The following CDH7 variants were observed in gnomAD, a reference collection of about 807,000 sequenced individuals.
CDH7 encodes the protein cadherin-7.
CDH7 carries 25 observed loss-of-function variants against 71.8 expected under a neutral mutation model. The observed-to-expected ratio is 0.35, with a 90% confidence interval of 0.25 to 0.49. CDH7 has a LOEUF of 0.49. Ranked by LOEUF, CDH7 falls within the 20% of genes least tolerant of loss-of-function variation. The pLI, the probability that CDH7 is intolerant of heterozygous loss-of-function variation, is 0.99. For missense variants in CDH7, 862 were observed against 974.6 expected (o/e 0.88, Z 1.54); for synonymous variants, 381 against 363.8 (o/e 1.05, Z -0.54).
chr18:65,880,680 TA>T lies in CDH7; in HGVS notation c.2148del (p.Glu717LysfsTer32). The T allele has an allele frequency of 1.2e-6, 2 of 1,614,018 alleles. No individual in the cohort carries two copies. The highest frequency in any genetic ancestry group is 1.7e-6 in the Non-Finnish European group (2 of 1,180,004). On this transcript the variant is annotated frameshift_variant, in exon 12 of 12. Coordinates refer to ENST00000397968, the MANE Select transcript of CDH7 (RefSeq NM_004361.5). LOFTEE classifies it high-confidence loss of function. ...VIFREFIWER[L>X]KEADVDPGAP... is the part of the protein sequence containing the mutation. ...TTTAGGGAATTTATTTGGGAAAGAT[TA>T]AAAGAAGCCGATGTTGATCCTGGTG...
At chr18:65,798,705 G>T (rs1384218514) in intron 2 of CDH7, among the ~76,000 whole-genome samples, 1 of 151,992 alleles carries the variant, frequency 6.6e-6, no homozygotes, top group Admixed American at 6.5e-5. Context: ...GAGCTAAAGG[G>T]AAAAGGAGGA....
intron 2 of CDH7, among the ~76,000 whole-genome samples, chr18:65,778,529 CTTT>C (rs1156727313): frequency 0.017 from 1,409 of 84,354 alleles, 56 homozygotes; most frequent in African/African-American, 0.055. Context: ...GCGTCTCACT[CTTT>C]TTTTTTTTTT....
In CDH7 at chr18:65,830,248, G is replaced by T. The variant is rs978599037; in HGVS notation, c.981+5417G>T. The stretch of plus-strand genomic sequence containing the variant: ...AATGCTCCTTCACAAAACTGCTGTT[G>T]GTAAATAGGAATATATATGTACAGT... On this transcript the variant is annotated intron_variant, in intron 6 of 11. Coordinates refer to ENST00000397968, the MANE Select transcript of CDH7 (RefSeq NM_004361.5). 2.0e-5 allele frequency among the ~76,000 whole-genome samples: 3 copies of T among 152,154 alleles called. No homozygotes were observed. The East Asian group carries it at 5.8e-4, about 29-fold the overall frequency.
chr18:65,835,649 T>C (rs1912506930), intron 6 of CDH7, among the ~76,000 whole-genome samples: 1 of 152,196 alleles, frequency 6.6e-6, no homozygotes, highest in Admixed American at 6.5e-5. Context: ...CTGGAAAATG[T>C]TGACCTCAGC....
At chr18:65,824,920 C>A in intron 6 of CDH7, 89 bp downstream of exon 6, 1 of 758,910 alleles carries the variant, frequency 1.3e-6, no homozygotes, top group Non-Finnish European at 2.0e-6. Context: ...ACCGAATGGC[C>A]ATATGGGACC....
At chr18:65,772,413 C>T (rs1431441916) in intron 2 of CDH7, among the ~76,000 whole-genome samples, 1 of 152,150 alleles carries the variant, frequency 6.6e-6, no homozygotes, top group East Asian at 1.9e-4. Context: ...ACGCAGTTTA[C>T]ATAAATTTCT....
At chr18:65,840,402 CT>C (rs35021972) in intron 6 of CDH7, among the ~76,000 whole-genome samples, 9 of 149,650 alleles carry the variant, frequency 6.0e-5, no homozygotes, top group African/African-American at 2.0e-4. Flanking sequence ...AGAAGCAGCG[CT>C]TTTTTTTTTA....
intron 5 of CDH7, among the ~76,000 whole-genome samples, 175 bp from the exon 6 acceptor site, chr18:65,824,469 C>T (rs1912050485): frequency 6.6e-6 from 1 of 151,778 alleles, no homozygotes. Context: ...TAATCATTCC[C>T]ATCATACCTC....
chr18:65,864,385 TGTTTG>T (rs759418617), intron 11 of CDH7, among the ~76,000 whole-genome samples: 2 of 151,720 alleles, frequency 1.3e-5, no homozygotes, highest in Non-Finnish European at 2.9e-5. Context: ...GTTTTTTGTT[TGTTTG>T]TTTTTTGTTT....
At chr18:65,800,880 G>A (rs1911097674) in intron 2 of CDH7, among the ~76,000 whole-genome samples, 2 of 152,200 alleles carry the variant, frequency 1.3e-5, no homozygotes, top group South Asian at 4.1e-4. Flanking sequence ...GTCTATTCCT[G>A]GAAATCAAGT....
intron 2 of CDH7, among the ~76,000 whole-genome samples, chr18:65,797,870 C>T (rs953808875): frequency 3.3e-5 from 5 of 152,168 alleles, no homozygotes; most frequent in African/African-American, 1.2e-4. Context: ...CCTCAAACTT[C>T]CTCTGTATTT....
chr18:65,853,958 C>CATATATATATATATATA (rs1913253592), intron 7 of CDH7, among the ~76,000 whole-genome samples: 1 of 60,676 alleles, frequency 1.6e-5, no homozygotes, highest in Non-Finnish European at 3.0e-5. Context: ...TATATATATG[C>CATATATATATATATATA]TATTTAGTGA....
chr18:65,809,524 A>G (rs547281425), intron 2 of CDH7, among the ~76,000 whole-genome samples, 180 bp from the exon 3 acceptor site: 1 of 152,328 alleles, frequency 6.6e-6, no homozygotes. Context: ...TGTCTTGCTC[A>G]CATGTACAAG....
chr18:65,753,951 A>G (rs1347872825), intron 1 of CDH7, among the ~76,000 whole-genome samples: 1 of 152,214 alleles, frequency 6.6e-6, no homozygotes, highest in Non-Finnish European at 1.5e-5. Flanking sequence ...AAACCTGCTG[A>G]CTTTTATTGA....
intron 1 of CDH7, among the ~76,000 whole-genome samples, chr18:65,756,730 T>G (rs2143773480): frequency 6.6e-6 from 1 of 152,370 alleles, no homozygotes; most frequent in Non-Finnish European, 1.5e-5. Context: ...CACATTCCAG[T>G]TCAACATTAA....
chr18:65,798,677 G>C (rs1315119024), intron 2 of CDH7, among the ~76,000 whole-genome samples: 2 of 152,276 alleles, frequency 1.3e-5, no homozygotes, highest in East Asian at 3.9e-4. Flanking sequence ...AGTAGGGAAG[G>C]GTCTTCATAG....
At chr18:65,869,797 A>G (rs1216045557) in intron 11 of CDH7, among the ~76,000 whole-genome samples, 1 of 152,136 alleles carries the variant, frequency 6.6e-6, no homozygotes, top group African/African-American at 2.4e-5. Flanking sequence ...GATCTGACAC[A>G]TAACAGAACA....
At chr18:65,820,229 G>A (rs923055243) in intron 4 of CDH7, among the ~76,000 whole-genome samples, 2 of 150,218 alleles carry the variant, frequency 1.3e-5, no homozygotes, top group Non-Finnish European at 1.5e-5. Context: ...TATTCACAAA[G>A]CCTAAAATAT....
intron 2 of CDH7, among the ~76,000 whole-genome samples, chr18:65,765,491 A>T (rs1412668149): frequency 2.0e-5 from 3 of 149,038 alleles, no homozygotes; most frequent in Admixed American, 1.3e-4. Context: ...TTGGGAGGTG[A>T]TGTCTGTGCC....
Sources: allele counts gnomAD v4.1 joint callset (sites outside exome capture counted in the v4.1 genomes callset), GRCh38; gene constraint gnomAD v4.1.1; transcripts MANE v1.5; gene names NCBI Gene and HGNC (gene_info 2026-07-23, HGNC 2026-07-21).